The following UBE2G2 variants were observed in gnomAD, a reference collection of about 807,000 sequenced individuals.
The protein encoded by UBE2G2 is ubiquitin conjugating enzyme E2 G2, also known as ubiquitin-conjugating enzyme E2 G2.
In UBE2G2, 10 loss-of-function variants were observed where a neutral mutation model predicts 23.0. The ratio of observed to expected loss-of-function variants is 0.43; its 90% CI spans 0.27 to 0.74. The LOEUF (loss-of-function observed/expected upper bound fraction) is 0.74. Ranked by LOEUF, UBE2G2 falls within the 30% of genes least tolerant of loss-of-function variation. UBE2G2 has a pLI of 0.19. For missense variants in UBE2G2, 150 were observed against 218.3 expected, an observed-to-expected ratio of 0.69 and a Z score of 1.97; for synonymous variants, 86 against 81.3, an observed-to-expected ratio of 1.06 and a Z score of -0.31.
At position 44,770,409 on chromosome 21, in the gene UBE2G2, T is replaced by C. The variant is rs1355553030; in HGVS notation, c.*968A>G. The C allele has an allele frequency of 6.6e-6, 1 of 152,222 alleles. No individual in the cohort carries two copies. Among genetic ancestry groups the C allele is most frequent in the Non-Finnish European group, 1.5e-5 (1 of 68,030 alleles). The allele number at this position is 152,222 out of a possible 1,614,324, so 9.4% of individuals were successfully genotyped here. On this transcript the variant is annotated 3_prime_UTR_variant, in exon 6 of 6. Transcript: ENST00000345496. The stretch of plus-strand genomic sequence containing the variant: ...GGGAAAAAACTGTCTGTCCTTGTGA[T>C]CAGCAATAAATTTCTTTTTTCTTTT...
rs752114750 is a variant in UBE2G2, at chr21:44,796,950, T to C, written c.43+4756A>G. ...TCTCTCTGACCACCCCCATCCTGCC[T>C]TCACTGACTGCTTTTGAGCCTTATG... On this transcript the variant is annotated intron_variant, in intron 1 of 5. Coordinates refer to ENST00000345496, the MANE Select transcript of UBE2G2 (RefSeq NM_003343.6). Among the ~76,000 whole-genome samples, 25 of 152,258 alleles carry C rather than the reference T, an allele frequency of 1.6e-4. 1 individual carries two copies. Among genetic ancestry groups the C allele is most frequent in the Non-Finnish European group, 3.2e-4 (22 of 68,042 alleles).
chr21:44,773,843 G>A lies in UBE2G2; in HGVS notation c.245-156C>T, dbSNP rs557394601. On this transcript the variant is annotated intron_variant, in intron 4 of 5. Transcript: ENST00000345496. Reference sequence around the variant, plus strand: ...CATAGCCTGGGGCCCTGAGTGTCACGCTTCATGTCTGCAGGAATCCCGGTG... The same window carrying A: ...CATAGCCTGGGGCCCTGAGTGTCACACTTCATGTCTGCAGGAATCCCGGTG... 47 of 1,021,390 alleles carry A rather than the reference G, an allele frequency of 4.6e-5. 1 individual carries two copies. The highest frequency in any genetic ancestry group is 6.0e-5 in the Non-Finnish European group (44 of 730,614). 63.3% of individuals were successfully genotyped at this position (1,021,390 alleles called of 1,614,324 possible). A position where few individuals can be genotyped will look rare whatever the true frequency, so the allele number is the denominator to read the frequency against.
intron 3 of UBE2G2, chr21:44,779,215 A>C (rs952798823): frequency 2.2e-6 from 1 of 451,682 alleles, no homozygotes; most frequent in African/African-American, 2.0e-5. Context: ...AGCAGGGCTG[A>C]TCTGCGGGCA....
chr21:44,782,559 T>G (rs1388711954), intron 3 of UBE2G2, among the ~76,000 whole-genome samples: 1 of 152,336 alleles, frequency 6.6e-6, no homozygotes, highest in African/African-American at 2.4e-5. Flanking sequence ...GCTCCAGTAA[T>G]CAAGACAGTG....
At chr21:44,787,707 C>A (rs61710634) in intron 3 of UBE2G2, among the ~76,000 whole-genome samples, 338 of 152,272 alleles carry the variant, frequency 2.2e-3, no homozygotes, top group African/African-American at 7.6e-3. Context: ...ATAACTAAAC[C>A]TTTGACTGGC....
intron 3 of UBE2G2, among the ~76,000 whole-genome samples, chr21:44,781,851 A>G (rs2082959795): frequency 6.6e-6 from 1 of 152,242 alleles, no homozygotes; most frequent in African/African-American, 2.4e-5. Context: ...AGGGGCAAAT[A>G]TAGCTTTTGC....
intron 5 of UBE2G2, among the ~76,000 whole-genome samples, chr21:44,773,236 G>A (rs551796816): frequency 2.6e-5 from 4 of 152,142 alleles, no homozygotes; most frequent in Non-Finnish European, 5.9e-5. Flanking sequence ...TTTGTCACAC[G>A]AAGCTTTACA....
In UBE2G2 at chr21:44,783,627, A is replaced by C. The variant is rs8133388; in HGVS notation, c.125+4293T>G. ...AGAAGCCAGGCACAGATGATTAGAC[A>C]GTGTATGATTCCACACATAGGAAAA... On this transcript the variant is annotated intron_variant, in intron 3 of 5. Coordinates refer to ENST00000345496, the MANE Select transcript of UBE2G2 (RefSeq NM_003343.6). Among the ~76,000 whole-genome samples the C allele has an allele frequency of 1.4e-3, 212 of 152,382 alleles. 1 individual carries two copies. The highest frequency in any genetic ancestry group is 4.6e-3 in the African/African-American group (193 of 41,594).
intron 1 of UBE2G2, chr21:44,801,331 T>C: frequency 4.7e-6 from 5 of 1,071,786 alleles, no homozygotes; most frequent in Non-Finnish European, 5.6e-6. Flanking sequence ...CGCATACACT[T>C]TTCCCTCCTA....
rs1012343644 is a variant in UBE2G2 at position 44,795,424 on chromosome 21, G to A, written c.43+6282C>T. Among the ~76,000 whole-genome samples the A allele has an allele frequency of 1.2e-4, 19 of 152,164 alleles. No individual in the cohort carries two copies. The East Asian group carries it at 2.9e-3, about 23-fold the overall frequency. ...AGACGGGCAGATTGCTTGGGCCCAC[G>A]AGTTCGAGACAAGCCTGGGCAACAT... is the stretch of plus-strand genomic sequence containing the variant. On this transcript the variant is annotated intron_variant, in intron 1 of 5. Coordinates refer to ENST00000345496, the MANE Select transcript of UBE2G2 (RefSeq NM_003343.6).
intron 1 of UBE2G2, among the ~76,000 whole-genome samples, chr21:44,790,591 A>G (rs1447528776): frequency 1.3e-5 from 2 of 152,178 alleles, no homozygotes; most frequent in Non-Finnish European, 2.9e-5. Context: ...TGGTGGTTTT[A>G]TAAGTGTTCG....
intron 1 of UBE2G2, chr21:44,801,267 G>T: frequency 6.0e-6 from 6 of 999,284 alleles, no homozygotes; most frequent in Non-Finnish European, 7.2e-6. Context: ...TCATTAGAGG[G>T]AAAGCCAAAA....
chr21:44,773,053 C>T (rs1258739434), intron 5 of UBE2G2, among the ~76,000 whole-genome samples: 1 of 152,092 alleles, frequency 6.6e-6, no homozygotes, highest in Non-Finnish European at 1.5e-5. Context: ...AACCCCATTC[C>T]CTCCCTCCTA....
At chr21:44,778,858 G>A (rs959942578) in intron 3 of UBE2G2, among the ~76,000 whole-genome samples, 8 of 152,166 alleles carry the variant, frequency 5.3e-5, no homozygotes, top group African/African-American at 1.4e-4. Flanking sequence ...AAGAACAGTC[G>A]TGCAGGGGCC....
intron 1 of UBE2G2, among the ~76,000 whole-genome samples, chr21:44,795,720 A>G (rs562394345): frequency 2.2e-4 from 33 of 151,510 alleles, no homozygotes; most frequent in African/African-American, 8.0e-4. Context: ...CAACGGGAAC[A>G]CTTAATACAC....
intron 1 of UBE2G2, chr21:44,801,375 A>C: frequency 8.7e-7 from 1 of 1,149,400 alleles, no homozygotes; most frequent in Non-Finnish European, 1.1e-6. Flanking sequence ...TTCTTCCTCA[A>C]GCTCTCACTG....
At chr21:44,783,524 A>G (rs529908705) in intron 3 of UBE2G2, among the ~76,000 whole-genome samples, 1 of 152,376 alleles carries the variant, frequency 6.6e-6, no homozygotes, top group Admixed American at 6.5e-5. Flanking sequence ...ATGTCCATCA[A>G]CTGGGGAATG....
chr21:44,783,733 A>G (rs782106438), intron 3 of UBE2G2, among the ~76,000 whole-genome samples: 1 of 152,258 alleles, frequency 6.6e-6, no homozygotes, highest in African/African-American at 2.4e-5. Context: ...GCACATAGAC[A>G]TAAGAATCTT....
At chr21:44,789,109 G>T (rs2083023066) in intron 1 of UBE2G2, among the ~76,000 whole-genome samples, 1 of 152,090 alleles carries the variant, frequency 6.6e-6, no homozygotes, top group Non-Finnish European at 1.5e-5. Context: ...AGAGGGCCAG[G>T]CGCGGTGGCT....
Sources: gnomAD v4.1 joint callset for allele counts (sites outside exome capture counted in the v4.1 genomes callset) on GRCh38, gnomAD v4.1.1 for gene constraint, MANE v1.5 for transcripts, NCBI Gene and HGNC (gene_info 2026-07-23, HGNC 2026-07-21) for gene names.